Variants in DOCK3 observed in about 807,000 individuals in gnomAD.
The protein encoded by DOCK3 is dedicator of cytokinesis 3.
DOCK3 carries 60 observed loss-of-function variants against 265.6 expected under a neutral mutation model. That is an observed-to-expected ratio of 0.23 (90% CI 0.18 to 0.28). DOCK3 has a LOEUF of 0.28. Among genes scored for constraint, DOCK3 ranks in the 10% least tolerant of loss-of-function variants. DOCK3 has a pLI of 1.00. For synonymous variants in DOCK3, 881 were observed against 938.0 expected (o/e 0.94, Z 1.11); for missense variants, 1,981 against 2,594.3 (o/e 0.76, Z 5.14).
intron 22 of DOCK3, among the ~76,000 whole-genome samples, chr3:51,247,137 G>A (rs2170178): frequency 0.82 from 125,016 of 152,148 alleles, 51,943 homozygotes; most frequent in Middle Eastern, 0.9. Flanking sequence ...TGGTGGCAAC[G>A]TTGATTGAAT....
intron 2 of DOCK3, among the ~76,000 whole-genome samples, chr3:50,809,959 G>T (rs1576503250): frequency 6.6e-6 from 1 of 152,116 alleles, no homozygotes; most frequent in African/African-American, 2.4e-5. Flanking sequence ...GGGTAACATA[G>T]CGAGATCTTG....
intron 21 of DOCK3, among the ~76,000 whole-genome samples, chr3:51,239,900 C>T (rs7634514): frequency 0.91 from 138,783 of 152,158 alleles, 63,435 homozygotes; most frequent in African/African-American, 0.96. Context: ...AAAATCATCC[C>T]GGATTCATTG....
At chr3:50,878,396 G>A (rs1014119745) in intron 3 of DOCK3, among the ~76,000 whole-genome samples, 1 of 152,044 alleles carries the variant, frequency 6.6e-6, no homozygotes, top group African/African-American at 2.4e-5. Flanking sequence ...AGATTAGATG[G>A]GTGGCTAACT....
rs1261129610 is a variant in DOCK3, at chr3:50,843,604, G to A, written c.162+1889G>A. Among the ~76,000 whole-genome samples the A allele has an allele frequency of 2.6e-5, 4 of 152,158 alleles. No individual in the cohort carries two copies. In the East Asian group the frequency reaches 7.7e-4, roughly 29 times the overall value. On this transcript the variant is annotated intron_variant, in intron 3 of 52. Transcript: ENST00000266037. ...AGTGTTTTGACAAGCTGTACAAAAT[G>A]AGGAACCTAACTCACACTACTCTAA... is the stretch of plus-strand genomic sequence containing the variant.
At chr3:51,304,842 G>C (rs2082565735) in intron 27 of DOCK3, among the ~76,000 whole-genome samples, 1 of 152,168 alleles carries the variant, frequency 6.6e-6, no homozygotes, top group Non-Finnish European at 1.5e-5. Context: ...TGCCACTGCA[G>C]GGTTCACTCA....
At chr3:50,920,050 G>A (rs1312725979) in intron 4 of DOCK3, among the ~76,000 whole-genome samples, 4 of 152,160 alleles carry the variant, frequency 2.6e-5, no homozygotes, top group African/African-American at 9.7e-5. Context: ...GATGGATTAT[G>A]TTTATTGATT....
chr3:51,108,682 G>C (rs1318527029), intron 9 of DOCK3, among the ~76,000 whole-genome samples: 1 of 152,198 alleles, frequency 6.6e-6, no homozygotes, highest in East Asian at 1.9e-4. Flanking sequence ...AAAATAAAGG[G>C]ATGGAGAAAA....
chr3:50,740,203 T>C (rs1052639192), intron 1 of DOCK3, among the ~76,000 whole-genome samples: 9 of 152,192 alleles, frequency 5.9e-5, no homozygotes, highest in Non-Finnish European at 1.3e-4. Context: ...AATAGTTCTT[T>C]TCTTTATTTT....
chr3:51,059,080 C>CT (rs2081306579), intron 5 of DOCK3, among the ~76,000 whole-genome samples: 1 of 152,068 alleles, frequency 6.6e-6, no homozygotes, highest in Non-Finnish European at 1.5e-5. Flanking sequence ...GTACTTCACC[C>CT]TGTCTTCACC....
intron 6 of DOCK3, among the ~76,000 whole-genome samples, chr3:51,072,700 G>A (rs1422807747): frequency 2.0e-5 from 3 of 151,958 alleles, no homozygotes; most frequent in Non-Finnish European, 1.5e-5. Context: ...GAGCCATGGC[G>A]CTCAGCTGAA....
chr3:51,050,757 A>G (rs1056590112), intron 5 of DOCK3, among the ~76,000 whole-genome samples: 10 of 152,160 alleles, frequency 6.6e-5, no homozygotes, highest in African/African-American at 2.4e-4. Context: ...ATACCCATCC[A>G]TATTAGTTCT....
At chr3:51,013,650 C>T (rs891799825) in intron 5 of DOCK3, among the ~76,000 whole-genome samples, 6 of 152,178 alleles carry the variant, frequency 3.9e-5, no homozygotes, top group African/African-American at 9.7e-5. Flanking sequence ...AGTAGGCAGT[C>T]GGTCCGTTCT....
chr3:51,335,936 G>T (rs1044908109), intron 35 of DOCK3, among the ~76,000 whole-genome samples: 1 of 150,288 alleles, frequency 6.7e-6, no homozygotes, highest in African/African-American at 2.5e-5. Context: ...AGGATGCAGT[G>T]AGCTGAGATT....
chr3:51,074,921 GA>G (rs2082004222), intron 6 of DOCK3, among the ~76,000 whole-genome samples: 1 of 152,188 alleles, frequency 6.6e-6, no homozygotes, highest in South Asian at 2.1e-4. Flanking sequence ...TAACTTTTAA[GA>G]GGTGAATTTT....
intron 9 of DOCK3, among the ~76,000 whole-genome samples, chr3:51,118,272 G>A (rs1350635339): frequency 6.6e-6 from 1 of 152,170 alleles, no homozygotes; most frequent in Non-Finnish European, 1.5e-5. Context: ...GCAGTTTTGA[G>A]TGAGTTTCTT....
chr3:51,069,105 G>A (rs981587476), intron 6 of DOCK3, among the ~76,000 whole-genome samples: 1 of 151,932 alleles, frequency 6.6e-6, no homozygotes, highest in African/African-American at 2.4e-5. Context: ...AAACTTATTG[G>A]CCTATATGTA....
At chr3:50,894,347 C>G (rs139382772) in intron 4 of DOCK3, among the ~76,000 whole-genome samples, 181 of 152,118 alleles carry the variant, frequency 1.2e-3, no homozygotes, top group Non-Finnish European at 2.2e-3. Flanking sequence ...AAAAAAAACC[C>G]TGTCAACCAG....
chr3:50,725,326 A>G (rs2037749922), intron 1 of DOCK3, among the ~76,000 whole-genome samples: 1 of 152,234 alleles, frequency 6.6e-6, no homozygotes, highest in Non-Finnish European at 1.5e-5. Flanking sequence ...TAAATTAAGG[A>G]TGTGTATTAT....
intron 12 of DOCK3, among the ~76,000 whole-genome samples, chr3:51,201,392 A>G (rs1477830678): frequency 2.6e-5 from 4 of 152,176 alleles, no homozygotes; most frequent in African/African-American, 4.8e-5. Flanking sequence ...CTGATAAAAC[A>G]GACTTTAAAC....
Sources: gnomAD v4.1 joint callset for allele counts (sites outside exome capture counted in the v4.1 genomes callset) on GRCh38, gnomAD v4.1.1 for gene constraint, MANE v1.5 for transcripts, NCBI Gene and HGNC (gene_info 2026-07-23, HGNC 2026-07-21) for gene names.